The following PALM2AKAP2 variants were observed in gnomAD, a reference collection of about 807,000 sequenced individuals.
PALM2AKAP2 encodes PALM2-AKAP2 fusion protein.
A neutral mutation model predicts 71.5 loss-of-function variants in PALM2AKAP2; 37 were observed. The observed-to-expected ratio is 0.52, with a 90% CI of 0.40 to 0.68. The LOEUF (loss-of-function observed/expected upper bound fraction) is 0.68. PALM2AKAP2 is among the 30% of genes least tolerant of loss of function. The pLI is 0.00. For missense variants in PALM2AKAP2, 1,224 were observed against 1,191.8 expected (o/e 1.03, Z -0.40); for synonymous variants, 468 against 478.8 (o/e 0.98, Z 0.29).
chr9:110,136,082 G>A, intron 1 of PALM2AKAP2, 45 bp from the exon 8 acceptor site: 1 of 1,517,852 alleles, frequency 6.6e-7, no homozygotes, highest in Admixed American at 2.3e-5. Flanking sequence ...ACATCCATAA[G>A]AGATGCAGTA....
intron 1 of PALM2AKAP2, among the ~76,000 whole-genome samples, chr9:109,832,455 C>A (rs1450796440): frequency 6.6e-6 from 1 of 152,196 alleles, no homozygotes; most frequent in Non-Finnish European, 1.5e-5. Flanking sequence ...GCATTCCATT[C>A]ATGTCAGCTA....
At chr9:109,845,345 C>T (rs557921607) in intron 1 of PALM2AKAP2, among the ~76,000 whole-genome samples, 1 of 152,354 alleles carries the variant, frequency 6.6e-6, no homozygotes, top group Admixed American at 6.5e-5. Flanking sequence ...AGAGCAGTCA[C>T]TCCGCCAAAT....
At chr9:109,869,215 T>C (rs1311689257) in intron 2 of PALM2AKAP2, among the ~76,000 whole-genome samples, 1 of 152,192 alleles carries the variant, frequency 6.6e-6, no homozygotes, top group Admixed American at 6.5e-5. Context: ...ATTTTTTTTC[T>C]TTGGTCTCCC....
chr9:110,138,173 G>A (rs763985320), exon 2 of PALM2AKAP2: 1 of 1,614,082 alleles, frequency 6.2e-7, no homozygotes, highest in Non-Finnish European at 8.5e-7. Flanking sequence ...GATTCTGCCT[G>A]CTGAAGACAG....
upstream of PALM2AKAP2, among the ~76,000 whole-genome samples, chr9:110,046,696 G>A (rs991780877): frequency 6.6e-6 from 1 of 152,064 alleles, no homozygotes; most frequent in Non-Finnish European, 1.5e-5. Flanking sequence ...TCAAACTCCC[G>A]ACCTCAGATG....
chr9:109,759,599 G>A (rs1587896992), intron 1 of PALM2AKAP2, among the ~76,000 whole-genome samples: 1 of 151,984 alleles, frequency 6.6e-6, no homozygotes, highest in South Asian at 2.1e-4. Context: ...AACAACAACA[G>A]CAACAACAAC....
At chr9:110,084,941 T>C (rs145441139) in intron 1 of PALM2AKAP2, among the ~76,000 whole-genome samples, 2,081 of 152,060 alleles carry the variant, frequency 0.014, 50 homozygotes, top group African/African-American at 0.048. Flanking sequence ...GGGATTTCAC[T>C]GTGTTAGTCA....
chr9:109,888,468 G>A (rs2131800093), intron 3 of PALM2AKAP2, among the ~76,000 whole-genome samples: 1 of 152,174 alleles, frequency 6.6e-6, no homozygotes, highest in East Asian at 1.9e-4. Context: ...CAGCACTTTG[G>A]GAGGCTGAGA....
At chr9:109,867,378 GTC>G in intron 1 of PALM2AKAP2, 111 bp from the exon 2 acceptor site, 1 of 1,225,988 alleles carries the variant, frequency 8.2e-7, no homozygotes, top group Non-Finnish European at 1.2e-6. Context: ...TGTGCCCGGT[GTC>G]TCTGGAAGTG....
At chr9:109,683,757 G>T (rs1462180310) in intron 1 of PALM2AKAP2, among the ~76,000 whole-genome samples, 1 of 152,076 alleles carries the variant, frequency 6.6e-6, no homozygotes, top group East Asian at 1.9e-4. Flanking sequence ...AATGACTAGA[G>T]CTATGATGCT....
At chr9:109,971,716 G>T (rs1379885273) in intron 6 of PALM2AKAP2, among the ~76,000 whole-genome samples, 2 of 152,100 alleles carry the variant, frequency 1.3e-5, no homozygotes, top group African/African-American at 4.8e-5. Flanking sequence ...GTGAGCCACC[G>T]CGCCCAGCCA....
intron 3 of PALM2AKAP2, among the ~76,000 whole-genome samples, chr9:110,166,005 C>G (rs1307239927): frequency 6.6e-6 from 1 of 152,196 alleles, no homozygotes. Flanking sequence ...TGATGTAAAC[C>G]TTTCTGTTTG....
At chr9:110,140,585 T>C (rs1836003304) in intron 2 of PALM2AKAP2, among the ~76,000 whole-genome samples, 1 of 152,182 alleles carries the variant, frequency 6.6e-6, no homozygotes, top group African/African-American at 2.4e-5. Context: ...TAATAAAAAG[T>C]TCATTCATAC....
chr9:109,678,524 CAAAGCACT>C (rs1351433822), intron 1 of PALM2AKAP2, among the ~76,000 whole-genome samples: 4 of 152,142 alleles, frequency 2.6e-5, no homozygotes, highest in Non-Finnish European at 5.9e-5. Flanking sequence ...GTGAGCGAAG[CAAAGCACT>C]TGTTACTAGG....
intron 2 of PALM2AKAP2, among the ~76,000 whole-genome samples, chr9:109,876,539 C>A (rs943217574): frequency 6.6e-6 from 1 of 152,048 alleles, no homozygotes; most frequent in Non-Finnish European, 1.5e-5. Context: ...AGTGCAGTGG[C>A]GTGATCTTCG....
chr9:109,838,237 A>T (rs1228432533), intron 1 of PALM2AKAP2, among the ~76,000 whole-genome samples: 1 of 152,198 alleles, frequency 6.6e-6, no homozygotes, highest in Admixed American at 6.5e-5. Flanking sequence ...TCAAAACTGC[A>T]CAACTACATG....
intron 7 of PALM2AKAP2, among the ~76,000 whole-genome samples, chr9:110,037,193 A>G (rs1172803156): frequency 6.6e-6 from 1 of 151,652 alleles, no homozygotes; most frequent in East Asian, 1.9e-4. Context: ...TTTTCCAACA[A>G]ATATTTTTTG....
chr9:109,884,374 A>T (rs1176861432), intron 3 of PALM2AKAP2, among the ~76,000 whole-genome samples: 1 of 152,222 alleles, frequency 6.6e-6, no homozygotes, highest in Non-Finnish European at 1.5e-5. Context: ...AGGCACGAGA[A>T]TCGCTTGAAC....
At chr9:109,906,763 T>G (rs1830455514) in intron 3 of PALM2AKAP2, among the ~76,000 whole-genome samples, 1 of 152,244 alleles carries the variant, frequency 6.6e-6, no homozygotes. Context: ...CCACATGGTC[T>G]TTCTAGAACA....
Sources: allele counts gnomAD v4.1 joint callset (sites outside exome capture counted in the v4.1 genomes callset), GRCh38; gene constraint gnomAD v4.1.1; transcripts MANE v1.5; gene names NCBI Gene and HGNC (gene_info 2026-07-23, HGNC 2026-07-21).